TANC2: variants seen among roughly 807,000 people sequenced by gnomAD.
TANC2 encodes tetratricopeptide repeat, ankyrin repeat and coiled-coil containing 2.
A neutral mutation model predicts 210.5 loss-of-function variants in TANC2; 26 were observed. That is an observed-to-expected ratio of 0.12 (90% CI 0.09 to 0.17). The LOEUF (loss-of-function observed/expected upper bound fraction) is 0.17. Ranked by LOEUF, TANC2 falls within the 10% of genes least tolerant of loss-of-function variation. TANC2 has a pLI of 1.00. For missense variants in TANC2, 2,129 were observed against 2,608.9 expected, an observed-to-expected ratio of 0.82 and a Z score of 4.01; for synonymous variants, 931 against 967.1, an observed-to-expected ratio of 0.96 and a Z score of 0.69.
intron 6 of TANC2, among the ~76,000 whole-genome samples, chr17:63,194,800 C>T (rs1034242267): frequency 2.6e-5 from 4 of 151,246 alleles, no homozygotes; most frequent in Non-Finnish European, 4.4e-5. Flanking sequence ...TCTAAGTATC[C>T]GTCTCAGAAA....
chr17:63,310,177 G>C (rs115412532), intron 9 of TANC2, among the ~76,000 whole-genome samples: 126 of 152,294 alleles, frequency 8.3e-4, no homozygotes, highest in African/African-American at 3.0e-3. Context: ...GCCAGGTTTG[G>C]TGGCTCACAC....
chr17:63,284,804 G>A (rs572854923), intron 9 of TANC2, among the ~76,000 whole-genome samples: 41 of 151,624 alleles, frequency 2.7e-4, no homozygotes, highest in South Asian at 8.3e-4. Context: ...CTACTTGTTC[G>A]CTTAATTATT....
At chr17:63,395,538 G>A (rs925556563) in intron 17 of TANC2, among the ~76,000 whole-genome samples, 20 of 152,184 alleles carry the variant, frequency 1.3e-4, no homozygotes, top group African/African-American at 4.6e-4. Flanking sequence ...AGGAAAAGAA[G>A]TTCTTCCCAG....
rs192805215 is a variant in TANC2, at chr17:63,298,867, A to C, written c.1160-15521A>C. 2.0e-4 allele frequency among the ~76,000 whole-genome samples: 31 copies of C among 152,222 alleles called. No individual in the cohort carries two copies. The East Asian group carries it at 5.6e-3, about 27-fold the overall frequency. ...TGCTGCACCTATCAACCCATCATCT[A>C]GGTTTTAAGCCCCACATGCATTAGT... On this transcript the variant is annotated intron_variant, in intron 9 of 27. Transcript: ENST00000689528.
At chr17:62,987,628 A>G (rs2032636363) in intron 1 of TANC2, among the ~76,000 whole-genome samples, 1 of 152,128 alleles carries the variant, frequency 6.6e-6, no homozygotes, top group Non-Finnish European at 1.5e-5. Flanking sequence ...GGCAGATCTG[A>G]TCCAGGTGGG....
At chr17:63,409,254 C>CTT in intron 21 of TANC2, among the ~76,000 whole-genome samples, 1 of 152,114 alleles carries the variant, frequency 6.6e-6, no homozygotes, top group South Asian at 2.1e-4. Flanking sequence ...TCACCAAAGC[C>CTT]TGGAACCCCT....
intron 12 of TANC2, among the ~76,000 whole-genome samples, chr17:63,345,669 A>G (rs2046384598): frequency 6.6e-6 from 1 of 152,156 alleles, no homozygotes; most frequent in Non-Finnish European, 1.5e-5. Flanking sequence ...TTTTCTGTAA[A>G]AATGGACAAC....
intron 5 of TANC2, 168 bp from the exon 6 acceptor site, chr17:63,193,823 G>A (rs2041259154): frequency 3.3e-6 from 2 of 606,822 alleles, no homozygotes; most frequent in Non-Finnish European, 4.9e-6. Context: ...TTACTTGGAA[G>A]CGAATTTATA....
At chr17:63,318,837 T>C (rs1053349109) in intron 10 of TANC2, 120 bp from the exon 11 acceptor site, 3 of 1,182,178 alleles carry the variant, frequency 2.5e-6, no homozygotes, top group African/African-American at 3.1e-5. Context: ...GTGTTTTTAT[T>C]TCTCTTAAGT....
chr17:63,218,282 A>C (rs1399373731), intron 7 of TANC2, among the ~76,000 whole-genome samples: 1 of 152,150 alleles, frequency 6.6e-6, no homozygotes, highest in Non-Finnish European at 1.5e-5. Flanking sequence ...AGGGAAAAAA[A>C]AAATCGACAA....
chr17:63,310,365 T>C (rs1342717701), intron 9 of TANC2, among the ~76,000 whole-genome samples: 1 of 152,140 alleles, frequency 6.6e-6, no homozygotes, highest in Non-Finnish European at 1.5e-5. Flanking sequence ...GAGAATCACT[T>C]GAACCTGGGA....
intron 9 of TANC2, among the ~76,000 whole-genome samples, chr17:63,275,465 A>AGTC (rs995021985): frequency 2.0e-5 from 3 of 152,290 alleles, no homozygotes; most frequent in Non-Finnish European, 4.4e-5. Flanking sequence ...ACCATTTATG[A>AGTC]GTCCCGTACT....
intron 11 of TANC2, among the ~76,000 whole-genome samples, chr17:63,333,493 T>C (rs1238883574): frequency 1.3e-5 from 2 of 152,184 alleles, no homozygotes; most frequent in African/African-American, 4.8e-5. Context: ...TGGGGTTGCT[T>C]CCTATGGAAG....
At chr17:63,399,149 C>T (rs531625828) in intron 19 of TANC2, 1 of 290,516 alleles carries the variant, frequency 3.4e-6, no homozygotes, top group African/African-American at 2.2e-5. Context: ...AACTTTTTCC[C>T]TCTCTTGTTT....
chr17:63,178,904 C>G lies in TANC2; in HGVS notation c.434-15087C>G, dbSNP rs2040683438. Among the ~76,000 whole-genome samples, 6 of 152,296 alleles carry G rather than the reference C, an allele frequency of 3.9e-5. No homozygotes were observed. In the South Asian group the frequency reaches 1.0e-3, roughly 26 times the overall value. ...GCTATTAGACATTCATTTCTTGGCA[C>G]AGTTTTAATCATTGTTTAATCCCTG... is the stretch of plus-strand genomic sequence containing the variant. On this transcript the variant is annotated intron_variant, in intron 5 of 27. Transcript: ENST00000689528.
chr17:63,155,586 G>T (rs2039807786), intron 5 of TANC2, among the ~76,000 whole-genome samples: 1 of 152,146 alleles, frequency 6.6e-6, no homozygotes, highest in Non-Finnish European at 1.5e-5. Flanking sequence ...GTGCATGAAA[G>T]GTTAAGGGCC....
intron 1 of TANC2, among the ~76,000 whole-genome samples, chr17:62,988,971 A>G (rs1467041868): frequency 6.6e-6 from 1 of 152,258 alleles, no homozygotes; most frequent in Non-Finnish European, 1.5e-5. Context: ...CTGGGATGTG[A>G]AAATTATTTT....
intron 12 of TANC2, among the ~76,000 whole-genome samples, chr17:63,348,509 A>G (rs1303249929): frequency 6.6e-6 from 1 of 152,248 alleles, no homozygotes; most frequent in Non-Finnish European, 1.5e-5. Flanking sequence ...AGTCCATGAC[A>G]AAATAAGAAA....
chr17:63,313,415 A>G (rs189722813), intron 9 of TANC2: 5 of 152,296 alleles, frequency 3.3e-5, no homozygotes, highest in Admixed American at 3.3e-4. Context: ...TCCTTTTACC[A>G]TCAATATAAT....
Sources: gnomAD v4.1 joint callset for allele counts (sites outside exome capture counted in the v4.1 genomes callset) on GRCh38, gnomAD v4.1.1 for gene constraint, MANE v1.5 for transcripts, NCBI Gene and HGNC (gene_info 2026-07-23, HGNC 2026-07-21) for gene names.